Variants in FRY observed in about 807,000 individuals in gnomAD.
The protein encoded by FRY is FRY microtubule binding protein, also known as protein furry homolog.
In FRY, 128 loss-of-function variants were observed where a neutral mutation model predicts 348.4. The observed-to-expected ratio is 0.37, with a 90% confidence interval of 0.32 to 0.43. FRY has a LOEUF of 0.43. Among genes scored for constraint, FRY ranks in the 20% least tolerant of loss-of-function variants. The pLI is 1.00. For missense variants in FRY, 2,736 were observed against 3,695.2 expected (o/e 0.74, Z 6.73); for synonymous variants, 1,370 against 1,374.7 (o/e 1.00, Z 0.08).
At chr13:32,228,107 G>C (rs1373810844) in intron 39 of FRY, among the ~76,000 whole-genome samples, 1 of 152,186 alleles carries the variant, frequency 6.6e-6, no homozygotes, top group Non-Finnish European at 1.5e-5. Context: ...AGCACAGTTA[G>C]TAGATGAACT....
intron 36 of FRY, among the ~76,000 whole-genome samples, chr13:32,223,946 A>G (rs1452079866): frequency 6.6e-6 from 1 of 151,966 alleles, no homozygotes; most frequent in Non-Finnish European, 1.5e-5. Context: ...CATGTTGGCC[A>G]GGCTGGTTTT....
At chr13:32,268,005 C>T (rs886270315) in intron 55 of FRY, among the ~76,000 whole-genome samples, 2 of 152,178 alleles carry the variant, frequency 1.3e-5, no homozygotes, top group South Asian at 4.1e-4. Context: ...AATGAATGTC[C>T]CTGCCTCCAG....
chr13:32,196,836 A>T (rs1883706107), intron 29 of FRY, among the ~76,000 whole-genome samples: 1 of 152,228 alleles, frequency 6.6e-6, no homozygotes, highest in Non-Finnish European at 1.5e-5. Context: ...AATTTAGTAC[A>T]AAAAATTGCT....
At chr13:32,274,495 C>G (rs1566187102) in intron 55 of FRY, among the ~76,000 whole-genome samples, 3 of 150,986 alleles carry the variant, frequency 2.0e-5, no homozygotes, top group Non-Finnish European at 4.4e-5. Flanking sequence ...ATCACAAGGT[C>G]AGATCGAGAC....
At chr13:32,037,071 C>T (rs550301190) in intron 1 of FRY, among the ~76,000 whole-genome samples, 11 of 150,820 alleles carry the variant, frequency 7.3e-5, no homozygotes, top group South Asian at 2.1e-4. Flanking sequence ...CACACACACA[C>T]GTGCTGGAGA....
chr13:32,225,892 C>T lies in FRY; in HGVS notation c.5124C>T (p.Ser1708=), dbSNP rs774590647. Residue 1708 remains serine, a synonymous_variant, in exon 39 of 61, where the codon TCC becomes TCT. Transcript: ENST00000542859. ...ACAGCAATTTCCATTCCATTGCTTCCGTGCTCCTGCAGACCCGAGAGATGG... is the reference window on the plus strand; with the variant it reads ...ACAGCAATTTCCATTCCATTGCTTCTGTGCTCCTGCAGACCCGAGAGATGG... The part of the protein sequence containing the change: ...SCNSNFHSIA[S]VLLQTREMGE... 1.2e-5 allele frequency: 20 copies of T among 1,613,930 alleles called. No homozygotes were observed. The Admixed American group carries it at 2.5e-4, about 20-fold the overall frequency.
At chr13:32,212,685 C>G (rs1884752693) in intron 35 of FRY, among the ~76,000 whole-genome samples, 1 of 152,118 alleles carries the variant, frequency 6.6e-6, no homozygotes, top group Non-Finnish European at 1.5e-5. Flanking sequence ...CACAGACCAT[C>G]TGGAATTAGA....
At chr13:32,095,283 T>C (rs575189336) in intron 2 of FRY, among the ~76,000 whole-genome samples, 1 of 151,752 alleles carries the variant, frequency 6.6e-6, no homozygotes, top group South Asian at 2.1e-4. Flanking sequence ...TATTTTCTCC[T>C]GTTCTGTGGA....
At chr13:32,067,001 C>T (rs535885553) in intron 1 of FRY, among the ~76,000 whole-genome samples, 5 of 152,150 alleles carry the variant, frequency 3.3e-5, no homozygotes, top group Admixed American at 6.5e-5. Context: ...GTGCCATGCA[C>T]GGTGCTAAGT....
At chr13:32,276,618 C>T in intron 57 of FRY, 56 bp downstream of exon 57, 2 of 880,816 alleles carry the variant, frequency 2.3e-6, no homozygotes, top group South Asian at 1.3e-5. Flanking sequence ...TGAACCCAAC[C>T]ACTCTGAGTT....
At chr13:32,220,552 A>T (rs1885261527) in intron 36 of FRY, among the ~76,000 whole-genome samples, 1 of 152,252 alleles carries the variant, frequency 6.6e-6, no homozygotes, top group African/African-American at 2.4e-5. Flanking sequence ...GATTTTAGAG[A>T]TGAGGAAAGT....
At chr13:32,252,196 A>AT (rs1047631823) in intron 50 of FRY, among the ~76,000 whole-genome samples, 90 of 151,638 alleles carry the variant, frequency 5.9e-4, no homozygotes, top group African/African-American at 2.0e-3. Flanking sequence ...GTTTCTTTTC[A>AT]TTTTTTTAAT....
At chr13:32,036,314 ACTTACTC>A (rs1566039488) in intron 1 of FRY, among the ~76,000 whole-genome samples, 1 of 152,092 alleles carries the variant, frequency 6.6e-6, no homozygotes. Flanking sequence ...TTAGAAGGAG[ACTTACTC>A]CAGTGTCCCA....
intron 14 of FRY, among the ~76,000 whole-genome samples, chr13:32,153,252 TATAG>T (rs1204375504): frequency 6.6e-6 from 1 of 152,166 alleles, no homozygotes; most frequent in Non-Finnish European, 1.5e-5. Flanking sequence ...TGCAAACATT[TATAG>T]CAGCCTCATT....
intron 1 of FRY, among the ~76,000 whole-genome samples, chr13:32,044,024 A>G (rs896141807): frequency 5.9e-5 from 9 of 152,070 alleles, no homozygotes; most frequent in Admixed American, 1.3e-4. Flanking sequence ...GTGAAACCCC[A>G]TCTCTTTTGT....
chr13:32,185,833 G>A (rs748162235), intron 26 of FRY, among the ~76,000 whole-genome samples: 38 of 152,138 alleles, frequency 2.5e-4, no homozygotes, highest in Non-Finnish European at 3.4e-4. Context: ...CCTAAATTAA[G>A]ATTTCAGTTT....
At chr13:32,091,354 G>A (rs1246100615) in intron 2 of FRY, among the ~76,000 whole-genome samples, 6 of 152,304 alleles carry the variant, frequency 3.9e-5, no homozygotes, top group East Asian at 3.9e-4. Flanking sequence ...GTGGGGTGCC[G>A]ATTACCCCTC....
At chr13:32,180,300 T>C (rs1194506350) in intron 23 of FRY, among the ~76,000 whole-genome samples, 1 of 152,030 alleles carries the variant, frequency 6.6e-6, no homozygotes, top group African/African-American at 2.4e-5. Flanking sequence ...AGTGGCGCAA[T>C]CTCAGCTCAC....
chr13:32,227,196 C>T (rs745827318), intron 39 of FRY, among the ~76,000 whole-genome samples: 4 of 152,298 alleles, frequency 2.6e-5, no homozygotes, highest in Non-Finnish European at 5.9e-5. Context: ...ACTGGCTCTA[C>T]AGGACACAGG....
Sources: gnomAD v4.1 joint callset for allele counts (sites outside exome capture counted in the v4.1 genomes callset) on GRCh38, gnomAD v4.1.1 for gene constraint, MANE v1.5 for transcripts, NCBI Gene and HGNC (gene_info 2026-07-23, HGNC 2026-07-21) for gene names.